Variants in STX6 observed in about 807,000 individuals in gnomAD.
The protein encoded by STX6 is syntaxin-6.
A neutral mutation model predicts 38.0 loss-of-function variants in STX6; 23 were observed. The observed-to-expected ratio is 0.60, with a 90% CI of 0.43 to 0.86. The LOEUF (loss-of-function observed/expected upper bound fraction) is 0.86, where lower values mean the gene tolerates loss of function less well. STX6 is among the 40% of genes least tolerant of loss of function. The probability of loss-of-function intolerance (pLI) is 0.00; values close to 1 mark genes in which losing one functional copy is unlikely to be tolerated. For synonymous variants in STX6, 123 were observed against 107.5 expected, an observed-to-expected ratio of 1.14 and a Z score of -0.89; for missense variants, 274 against 312.9, an observed-to-expected ratio of 0.88 and a Z score of 0.94.
At chr1:180,987,186 G>GC (rs1456304754) in intron 6 of STX6, among the ~76,000 whole-genome samples, 1 of 152,078 alleles carries the variant, frequency 6.6e-6, no homozygotes, top group Non-Finnish European at 1.5e-5. Flanking sequence ...CTTCACAGGT[G>GC]CATTTTCTTC....
chr1:181,006,669 T>C (rs1299555056), intron 1 of STX6, among the ~76,000 whole-genome samples: 1 of 152,088 alleles, frequency 6.6e-6, no homozygotes, highest in Non-Finnish European at 1.5e-5. Context: ...TTCTAGCTGA[T>C]TAGGGTGTTT....
chr1:180,980,206 C>CA (rs56336455), intron 7 of STX6, among the ~76,000 whole-genome samples: 1,370 of 88,162 alleles, frequency 0.016, 45 homozygotes, highest in East Asian at 0.074. Context: ...GACTCTGTCT[C>CA]AAAAAAAAAA....
At position 180,974,464 on chromosome 1, in the gene STX6, G is replaced by A. The variant is rs1313469736; in HGVS notation, c.*2106C>T. 1 of 152,654 alleles carries A rather than the reference G, an allele frequency of 6.6e-6. No individual in the cohort carries two copies. Among genetic ancestry groups the A allele is most frequent in the African/African-American group, 2.4e-5 (1 of 41,452 alleles). The allele number at this position is 152,654 out of a possible 1,614,324, so 9.5% of individuals were successfully genotyped here. ...AAACTTGGTCCCTGAACTAACAGGAGTATCTTACTCATTAATGACTAGGTT... is the reference window on the plus strand; with the variant it reads ...AAACTTGGTCCCTGAACTAACAGGAATATCTTACTCATTAATGACTAGGTT... On this transcript the variant is annotated 3_prime_UTR_variant, in exon 8 of 8. Transcript: ENST00000258301.
At chr1:181,003,765 G>A (rs778954749) in intron 2 of STX6, among the ~76,000 whole-genome samples, 8 of 152,134 alleles carry the variant, frequency 5.3e-5, no homozygotes, top group Non-Finnish European at 1.0e-4. Flanking sequence ...TTTTGGTTAA[G>A]TGGGATTTCC....
intron 1 of STX6, among the ~76,000 whole-genome samples, chr1:181,012,666 TC>T (rs869254278): frequency 1.7e-5 from 2 of 117,708 alleles, no homozygotes; most frequent in African/African-American, 3.1e-5. Context: ...TTCAGATTCT[TC>T]CATTCTTTTT....
intron 3 of STX6, among the ~76,000 whole-genome samples, chr1:181,000,441 A>C (rs552784585): frequency 1.2e-4 from 18 of 152,314 alleles, no homozygotes; most frequent in African/African-American, 4.1e-4. Context: ...TGACAGAGCA[A>C]AGTGGGAAGA....
chr1:181,013,316 T>C (rs1656463903), intron 1 of STX6, among the ~76,000 whole-genome samples: 1 of 152,170 alleles, frequency 6.6e-6, no homozygotes, highest in Non-Finnish European at 1.5e-5. Context: ...ACAACCCCCA[T>C]CATCCTTTTT....
intron 4 of STX6, among the ~76,000 whole-genome samples, 162 bp from the exon 5 acceptor site, chr1:180,990,271 T>C (rs533370087): frequency 8.5e-5 from 13 of 152,282 alleles, no homozygotes; most frequent in African/African-American, 2.6e-4. Context: ...TGGGTGGTAC[T>C]ATTTAAGGAA....
At chr1:180,979,498 A>C (rs1655343145) in intron 7 of STX6, among the ~76,000 whole-genome samples, 1 of 152,222 alleles carries the variant, frequency 6.6e-6, no homozygotes, top group South Asian at 2.1e-4. Flanking sequence ...ATGCCAAAAA[A>C]ATGAAGTTGG....
At position 181,004,296 on chromosome 1, in the gene STX6, G is replaced by A. The variant is rs544107269; in HGVS notation, c.205+998C>T. ...TTGATCCCTTGGAATCTCCAGATGA[G>A]TATCTTTTGTATGTTAATGGGATAA... On this transcript the variant is annotated intron_variant, in intron 2 of 7. Transcript: ENST00000258301. 1.7e-4 allele frequency among the ~76,000 whole-genome samples: 26 copies of A among 152,322 alleles called. No individual in the cohort carries two copies. In the South Asian group the frequency reaches 1.9e-3, roughly 11 times the overall value.
chr1:181,022,529 C>G (rs12565758), intron 1 of STX6, 110 bp downstream of exon 1: 375,944 of 1,128,702 alleles, frequency 0.33, 65,268 homozygotes, highest in Admixed American at 0.38. Flanking sequence ...ACTGTTCCCC[C>G]TCCCCAGCTC....
chr1:181,001,750 GAAAT>G (rs1277483774), intron 3 of STX6, among the ~76,000 whole-genome samples: 17 of 152,336 alleles, frequency 1.1e-4, no homozygotes, highest in African/African-American at 4.1e-4. Flanking sequence ...AGTACACTAA[GAAAT>G]AAAAAGTGAG....
chr1:181,016,402 T>C (rs1276331997), intron 1 of STX6, among the ~76,000 whole-genome samples: 1 of 152,178 alleles, frequency 6.6e-6, no homozygotes, highest in African/African-American at 2.4e-5. Flanking sequence ...TCTTACACAA[T>C]ATATCTTTCA....
Position 180,974,073 on chromosome 1 carries a change from C to T in STX6, c.*2497G>A, listed in dbSNP as rs1258076626. ...CCTGGGTTCCCTCTAAAGCCCTGAA[C>T]ATTAGGACCACTGAGGAGGAAATAT... On this transcript the variant is annotated 3_prime_UTR_variant, in exon 8 of 8. Coordinates refer to ENST00000258301, the MANE Select transcript of STX6 (RefSeq NM_005819.6). 1 of 152,222 alleles carries T rather than the reference C, an allele frequency of 6.6e-6. No homozygotes were observed. The highest frequency in any genetic ancestry group is 2.4e-5 in the African/African-American group (1 of 41,450). The allele number at this position is 152,222 out of a possible 1,614,324, so 9.4% of individuals were successfully genotyped here.
At chr1:180,984,827 C>A in intron 6 of STX6, 56 bp from the exon 7 acceptor site, 3 of 768,354 alleles carry the variant, frequency 3.9e-6, no homozygotes, top group Non-Finnish European at 6.8e-6. Flanking sequence ...TGGCAGTGCA[C>A]TTGCACTGGG....
At chr1:181,010,725 C>T (rs1024320182) in intron 1 of STX6, among the ~76,000 whole-genome samples, 13 of 152,036 alleles carry the variant, frequency 8.6e-5, no homozygotes, top group African/African-American at 2.9e-4. Context: ...TTTGGTAAGG[C>T]ACCAGGAGTT....
In STX6 at chr1:180,972,938, G is replaced by C. The variant is rs923179700; in HGVS notation, c.*3632C>G. 9 of 252,434 alleles carry C rather than the reference G, an allele frequency of 3.6e-5. No individual in the cohort carries two copies. The highest frequency in any genetic ancestry group is 2.1e-4 in the African/African-American group (9 of 43,696). 15.6% of individuals were successfully genotyped at this position (252,434 alleles called of 1,614,324 possible). ...CCCCTATTAGAAGCAAAGGCCCTGG[G>C]AGGAGTAAGGCCTGTCACTGGGGCA... On this transcript the variant is annotated 3_prime_UTR_variant, in exon 8 of 8. Transcript: ENST00000258301.
intron 5 of STX6, chr1:180,988,864 C>G (rs1361370795): frequency 6.6e-6 from 1 of 152,412 alleles, no homozygotes; most frequent in Non-Finnish European, 1.5e-5. Flanking sequence ...CAACTACTGA[C>G]TGACAAATAT....
rs759125503 is a variant in STX6 at position 181,021,495 on chromosome 1, CT to C, written c.35+1143del. 6.6e-5 allele frequency among the ~76,000 whole-genome samples: 10 copies of C among 152,282 alleles called. No homozygotes were observed. The South Asian group carries it at 2.1e-3, about 32-fold the overall frequency. On this transcript the variant is annotated intron_variant, in intron 1 of 7. Coordinates refer to ENST00000258301, the MANE Select transcript of STX6 (RefSeq NM_005819.6). ...AATACCATTTAAATTTTCTACAACA[CT>C]TGACTATACAACGGCCAGCTTGCAC...
Sources: gnomAD v4.1 joint callset for allele counts (sites outside exome capture counted in the v4.1 genomes callset) on GRCh38, gnomAD v4.1.1 for gene constraint, MANE v1.5 for transcripts, NCBI Gene and HGNC (gene_info 2026-07-23, HGNC 2026-07-21) for gene names.